NAA25: variants seen among roughly 807,000 people sequenced by gnomAD.
The protein encoded by NAA25 is N-terminal acetyltransferase B complex subunit NAA25.
In NAA25, 30 loss-of-function variants were observed where a neutral mutation model predicts 132.5. That is an observed-to-expected ratio of 0.23 (90% CI 0.17 to 0.31). The LOEUF (loss-of-function observed/expected upper bound fraction) is 0.31. Ranked by LOEUF, NAA25 falls within the 10% of genes least tolerant of loss-of-function variation. The pLI is 1.00. For synonymous variants in NAA25, 359 were observed against 401.9 expected, an observed-to-expected ratio of 0.89 and a Z score of 1.28; for missense variants, 771 against 1,150.4, an observed-to-expected ratio of 0.67 and a Z score of 4.77.
In NAA25 at chr12:112,059,075, C is replaced by CAAAAAAAAAA. The variant is rs530305102; in HGVS notation, c.1447+1185_1447+1194dup. Among the ~76,000 whole-genome samples, 5 of 63,284 alleles carry CAAAAAAAAAA rather than the reference C, an allele frequency of 7.9e-5. 2 individuals carry two copies. The highest frequency in any genetic ancestry group is 2.0e-4 in the Non-Finnish European group (5 of 25,596). 41.5% of individuals were successfully genotyped at this position (63,284 alleles called of 152,430 possible). A position where few individuals can be genotyped will look rare whatever the true frequency, so the allele number is the denominator to read the frequency against. ...GGCGACAGAGCGAGACTCCATCTCA[C>CAAAAAAAAAA]AAAAAAAAAAAAAAAAAAAAAAAAA... On this transcript the variant is annotated intron_variant, in intron 13 of 23. Coordinates refer to ENST00000261745, the MANE Select transcript of NAA25 (RefSeq NM_024953.4).
chr12:112,050,514 CTT>C (rs751821445), intron 15 of NAA25, among the ~76,000 whole-genome samples: 18 of 143,204 alleles, frequency 1.3e-4, no homozygotes, highest in Non-Finnish European at 7.7e-5. Flanking sequence ...CTTTTATTTA[CTT>C]TTTTTTTTTT....
At chr12:112,067,364 A>G (rs1462395166) in intron 11 of NAA25, among the ~76,000 whole-genome samples, 1 of 152,196 alleles carries the variant, frequency 6.6e-6, no homozygotes, top group Non-Finnish European at 1.5e-5. Flanking sequence ...ACTTGTATCT[A>G]AGATATATAA....
Position 112,060,336 on chromosome 12 carries a change from A to G in NAA25, c.1381T>C (p.Leu461=). The change falls in exon 13 of 24, where the codon TTG becomes CTG. Residue 461 remains leucine (L), a synonymous_variant. Transcript: ENST00000261745. The part of the protein sequence containing the change: ...EFGKTCLKTE[L]QFSDYYCLLA... ...AGACAGTAATAGTCAGAAAATTGCA[A>G]TTCTGTTTTCAAACAGGTTTTCCCT... 1 of 1,613,314 alleles carries G rather than the reference A, an allele frequency of 6.2e-7. No individual in the cohort carries two copies. Among genetic ancestry groups the G allele is most frequent in the Non-Finnish European group, 8.5e-7 (1 of 1,179,352 alleles).
chr12:112,066,768 G>A (rs1019618208), intron 11 of NAA25, among the ~76,000 whole-genome samples: 4 of 152,142 alleles, frequency 2.6e-5, no homozygotes, highest in African/African-American at 9.7e-5. Flanking sequence ...CAGAACCCCA[G>A]AGACCACTGG....
intron 1 of NAA25, among the ~76,000 whole-genome samples, chr12:112,099,993 T>C (rs2079269340): frequency 6.6e-6 from 1 of 152,132 alleles, no homozygotes; most frequent in African/African-American, 2.4e-5. Flanking sequence ...ACTTAAAAAT[T>C]CTAAAAGTTG....
At position 112,054,534 on chromosome 12, in the gene NAA25, C is replaced by T. The variant is rs1335266517; in HGVS notation, c.1482G>A (p.Leu494=). The T allele has an allele frequency of 6.2e-7, 1 of 1,613,960 alleles. No homozygotes were observed. Among genetic ancestry groups the T allele is most frequent in the South Asian group, 1.1e-5 (1 of 91,048 alleles). The change falls in exon 14 of 24, where the codon TTG becomes TTA. Residue 494 remains leucine, a synonymous_variant. Coordinates refer to ENST00000261745, the MANE Select transcript of NAA25 (RefSeq NM_024953.4). ...DETTVWQALT[L]LEEGLTHSPS... The stretch of plus-strand genomic sequence containing the variant: ...GGCTATGGGTTAATCCCTCTTCCAG[C>T]AAAGTCAGGGCCTGCCACACAGTGG...
chr12:112,061,425 A>G, intron 11 of NAA25, 37 bp from the exon 12 acceptor site: 1 of 1,455,314 alleles, frequency 6.9e-7, no homozygotes, highest in Non-Finnish European at 9.6e-7. Flanking sequence ...AGGTCTCAAA[A>G]CACAACTAGT....
At chr12:112,069,296 G>A (rs186550464) in intron 10 of NAA25, 116 of 248,350 alleles carry the variant, frequency 4.7e-4, no homozygotes, top group African/African-American at 2.6e-3. Context: ...CTTGAAGTCA[G>A]GAGTTCAAGA....
At chr12:112,102,610 C>A (rs974555180) in intron 1 of NAA25, among the ~76,000 whole-genome samples, 10 of 152,130 alleles carry the variant, frequency 6.6e-5, no homozygotes, top group Admixed American at 2.0e-4. Flanking sequence ...CTCTGTTGCC[C>A]AGGCTGGAGT....
intron 19 of NAA25, 35 bp from the exon 20 acceptor site, chr12:112,042,139 A>G: frequency 8.8e-7 from 1 of 1,140,854 alleles, no homozygotes. Context: ...AAAACTTTCA[A>G]TTCTATTTTT....
At chr12:112,042,157 TAAAG>T (rs1004078732) in intron 19 of NAA25, 53 bp from the exon 20 acceptor site, 2 of 950,592 alleles carry the variant, frequency 2.1e-6, no homozygotes, top group African/African-American at 3.5e-5. Flanking sequence ...TTTAGTAAGA[TAAAG>T]AAGCAAGATA....
chr12:112,106,363 T>C (rs748513386), intron 1 of NAA25, among the ~76,000 whole-genome samples: 7 of 151,850 alleles, frequency 4.6e-5, no homozygotes, highest in African/African-American at 7.3e-5. Flanking sequence ...AATCAAATTA[T>C]TCTTGAAAGT....
rs546978701 is a variant in NAA25, at chr12:112,079,813, C to T, written c.478-1072G>A. Among the ~76,000 whole-genome samples, 10 of 152,240 alleles carry T rather than the reference C, an allele frequency of 6.6e-5. No homozygotes were observed. The South Asian group carries it at 1.7e-3, about 25-fold the overall frequency. ...AAGGAGAAGTGATAAAAGAAGGCCA[C>T]CCAGTTCAATGAGCCATTAACTAAT... On this transcript the variant is annotated intron_variant, in intron 5 of 23. Transcript: ENST00000261745.
At chr12:112,100,320 C>A (rs963064059) in intron 1 of NAA25, among the ~76,000 whole-genome samples, 7 of 152,110 alleles carry the variant, frequency 4.6e-5, no homozygotes, top group Non-Finnish European at 8.8e-5. Context: ...TACCACCAGG[C>A]CTGGCTAATT....
intron 1 of NAA25, among the ~76,000 whole-genome samples, chr12:112,101,689 G>A (rs190235914): frequency 6.8e-4 from 103 of 151,912 alleles, no homozygotes; most frequent in Non-Finnish European, 1.3e-3. Context: ...TCCAGGAGGC[G>A]GAGGTTGCAG....
intron 22 of NAA25, 21 bp from the exon 23 acceptor site, chr12:112,033,400 G>A (rs750616598): frequency 2.5e-6 from 4 of 1,587,664 alleles, no homozygotes; most frequent in Non-Finnish European, 3.4e-6. Flanking sequence ...GATTAAAAAA[G>A]AGTTGAAACA....
intron 4 of NAA25, among the ~76,000 whole-genome samples, chr12:112,083,942 AT>A (rs2079008309): frequency 6.6e-6 from 1 of 152,230 alleles, no homozygotes; most frequent in African/African-American, 2.4e-5. Flanking sequence ...ATGGGAAAAC[AT>A]TTTTACAATG....
At chr12:112,086,035 AAAAAAAAAAAAAAAAAAT>A (rs1566027367) in intron 4 of NAA25, among the ~76,000 whole-genome samples, 28 of 78,568 alleles carry the variant, frequency 3.6e-4, no homozygotes, top group Non-Finnish European at 5.7e-4. Flanking sequence ...AAAAAAAAAA[AAAAAAAAAAAAAAAAAAT>A]ATATATATAT....
chr12:112,049,012 CT>C lies in NAA25; in HGVS notation c.1729-570del, dbSNP rs1395439927. Among the ~76,000 whole-genome samples, 1 of 152,118 alleles carries C rather than the reference CT, an allele frequency of 6.6e-6. No homozygotes were observed. Among genetic ancestry groups the C allele is most frequent in the Non-Finnish European group, 1.5e-5 (1 of 68,026 alleles). On this transcript the variant is annotated intron_variant, in intron 15 of 23. Coordinates refer to ENST00000261745, the MANE Select transcript of NAA25 (RefSeq NM_024953.4). The surrounding 1 kb of genome is among the most constrained non-coding windows in gnomAD (Gnocchi z 4.7). ...AGAAGTAAGACACCAAACAAAAGAC[CT>C]ATCAAAATTCATGTCATAATCTATT...
Sources: allele counts gnomAD v4.1 joint callset (sites outside exome capture counted in the v4.1 genomes callset), GRCh38; gene constraint gnomAD v4.1.1; non-coding constraint Gnocchi (gnomAD v3.1); transcripts MANE v1.5; gene names NCBI Gene and HGNC (gene_info 2026-07-23, HGNC 2026-07-21).